The following PTPRD variants were observed in gnomAD, a reference collection of about 807,000 sequenced individuals.
PTPRD encodes the protein protein tyrosine phosphatase receptor type D.
PTPRD carries 34 observed loss-of-function variants against 214.5 expected under a neutral mutation model. The observed-to-expected ratio is 0.16, with a 90% CI of 0.12 to 0.21. The LOEUF is 0.21. PTPRD is among the 10% of genes least tolerant of loss of function. The probability of loss-of-function intolerance (pLI) is 1.00; values close to 1 mark genes in which losing one functional copy is unlikely to be tolerated. For missense variants in PTPRD, 2,545 were observed against 2,398.7 expected, an observed-to-expected ratio of 1.06 and a Z score of -1.27; for synonymous variants, 1,128 against 845.7, an observed-to-expected ratio of 1.33 and a Z score of -5.79.
chr9:9,198,820 A>G (rs1160096882), intron 9 of PTPRD, among the ~76,000 whole-genome samples: 2 of 152,166 alleles, frequency 1.3e-5, no homozygotes, highest in African/African-American at 4.8e-5. Flanking sequence ...TGCATATAGT[A>G]TATCTTCAAA....
At chr9:8,359,843 C>T (rs1416179068) in intron 39 of PTPRD, among the ~76,000 whole-genome samples, 1 of 152,098 alleles carries the variant, frequency 6.6e-6, no homozygotes, top group Non-Finnish European at 1.5e-5. Context: ...GTGTTTGTTC[C>T]ATCATTTCTT....
At chr9:10,610,513 T>C (rs572865308) in intron 2 of PTPRD, among the ~76,000 whole-genome samples, 3 of 152,158 alleles carry the variant, frequency 2.0e-5, no homozygotes, top group African/African-American at 2.4e-5. Context: ...AATTAAGTTT[T>C]TTTTTTTCCA....
intron 36 of PTPRD, among the ~76,000 whole-genome samples, chr9:8,400,952 C>A (rs1229449914): frequency 6.6e-6 from 1 of 152,096 alleles, no homozygotes; most frequent in Non-Finnish European, 1.5e-5. Flanking sequence ...GTCAAGGTCA[C>A]CTAGCTAGTT....
chr9:9,778,195 T>C (rs1189413014), intron 5 of PTPRD, among the ~76,000 whole-genome samples: 1 of 152,094 alleles, frequency 6.6e-6, no homozygotes, highest in East Asian at 1.9e-4. Context: ...GGAAGGAAGT[T>C]AGGAACCCTG....
intron 5 of PTPRD, among the ~76,000 whole-genome samples, chr9:9,802,489 A>G (rs896130075): frequency 6.6e-6 from 1 of 151,726 alleles, no homozygotes; most frequent in African/African-American, 2.4e-5. Context: ...AAAATATGAA[A>G]TATCTTGTTG....
intron 5 of PTPRD, among the ~76,000 whole-genome samples, chr9:9,838,934 A>C (rs917892204): frequency 6.6e-6 from 1 of 151,962 alleles, no homozygotes; most frequent in Non-Finnish European, 1.5e-5. Flanking sequence ...ATCTTGAATT[A>C]ATTTTTGTAT....
At chr9:9,636,532 T>G (rs1465670394) in intron 7 of PTPRD, among the ~76,000 whole-genome samples, 1 of 152,192 alleles carries the variant, frequency 6.6e-6, no homozygotes, top group Non-Finnish European at 1.5e-5. Flanking sequence ...CAATGAGATA[T>G]AAGAAGAAAT....
chr9:9,545,503 T>C (rs965174685), intron 8 of PTPRD, among the ~76,000 whole-genome samples: 1 of 151,952 alleles, frequency 6.6e-6, no homozygotes, highest in South Asian at 2.1e-4. Context: ...ACTTTATCCA[T>C]TCACCTATTA....
At chr9:9,809,918 A>C (rs1382397521) in intron 5 of PTPRD, among the ~76,000 whole-genome samples, 1 of 152,194 alleles carries the variant, frequency 6.6e-6, no homozygotes, top group Non-Finnish European at 1.5e-5. Flanking sequence ...AGAAGCATTT[A>C]TGTAAATTCA....
chr9:9,210,821 T>A (rs1261515787), intron 9 of PTPRD, among the ~76,000 whole-genome samples: 2 of 152,124 alleles, frequency 1.3e-5, no homozygotes, highest in African/African-American at 4.8e-5. Flanking sequence ...CACAAATGTA[T>A]CTTTAGTTTC....
rs866547611 is a variant in PTPRD, at chr9:8,848,341, T to C, written c.-103-114395A>G. ...TTTTTTTTTTTTTTTTTTTTTTTAG[T>C]TTTTTGCTTTTTGAGACAGAGTCTT... On this transcript the variant is annotated intron_variant, in intron 11 of 45. Transcript: ENST00000381196. Among the ~76,000 whole-genome samples the C allele has an allele frequency of 8.3e-3, 1,177 of 142,164 alleles. 9 individuals are homozygous for C. Among genetic ancestry groups the C allele is most frequent in the Non-Finnish European group, 0.013 (845 of 65,672 alleles). The allele number at this position is 142,164 out of a possible 152,430, so 93.3% of individuals were successfully genotyped here.
chr9:9,180,591 G>A (rs968782446), intron 10 of PTPRD, among the ~76,000 whole-genome samples: 1 of 152,000 alleles, frequency 6.6e-6, no homozygotes, highest in South Asian at 2.1e-4. Flanking sequence ...AAAACTTAAA[G>A]TATAATAGTA....
At chr9:8,737,972 A>T (rs2090900912) in intron 11 of PTPRD, among the ~76,000 whole-genome samples, 1 of 152,168 alleles carries the variant, frequency 6.6e-6, no homozygotes, top group Admixed American at 6.5e-5. Context: ...CAGCAGGGAC[A>T]TGCAGATAGA....
chr9:9,036,143 A>G (rs927755636), intron 10 of PTPRD, among the ~76,000 whole-genome samples: 1 of 151,914 alleles, frequency 6.6e-6, no homozygotes, highest in Admixed American at 6.6e-5. Flanking sequence ...TCTTGCTTCA[A>G]TAATCATAAA....
chr9:10,159,024 T>C (rs969932398), intron 3 of PTPRD, among the ~76,000 whole-genome samples: 29 of 152,084 alleles, frequency 1.9e-4, no homozygotes, highest in East Asian at 7.7e-4. Flanking sequence ...CTGGTCCCCC[T>C]GGGCATGAAC....
At chr9:8,559,099 G>A (rs944392653) in intron 14 of PTPRD, among the ~76,000 whole-genome samples, 1 of 152,050 alleles carries the variant, frequency 6.6e-6, no homozygotes, top group African/African-American at 2.4e-5. Context: ...TGACTGAGAT[G>A]ACATAATATT....
At chr9:10,301,486 T>G (rs1158781942) in intron 3 of PTPRD, among the ~76,000 whole-genome samples, 1 of 152,212 alleles carries the variant, frequency 6.6e-6, no homozygotes, top group Non-Finnish European at 1.5e-5. Context: ...TAAAGAGGCA[T>G]GTTCTAACCC....
chr9:8,341,382 A>C (rs1021523902), intron 40 of PTPRD, 114 bp from the exon 41 acceptor site: 1 of 1,128,626 alleles, frequency 8.9e-7, no homozygotes, highest in Non-Finnish European at 1.2e-6. Context: ...TTGTTTACTT[A>C]AAGTAAATGA....
intron 9 of PTPRD, among the ~76,000 whole-genome samples, chr9:9,292,822 C>T (rs1370191006): frequency 6.6e-6 from 1 of 150,788 alleles, no homozygotes; most frequent in African/African-American, 2.4e-5. Context: ...TAGAATGTTC[C>T]TCTATGGGAA....
Sources: allele counts gnomAD v4.1 joint callset (sites outside exome capture counted in the v4.1 genomes callset), GRCh38; gene constraint gnomAD v4.1.1; transcripts MANE v1.5; gene names NCBI Gene and HGNC (gene_info 2026-07-23, HGNC 2026-07-21).